FSTL4: variants seen among roughly 807,000 people sequenced by gnomAD.
FSTL4 encodes follistatin-related protein 4.
A neutral mutation model predicts 78.2 loss-of-function variants in FSTL4; 28 were observed. The observed-to-expected ratio is 0.36, with a 90% CI of 0.27 to 0.49. The LOEUF (loss-of-function observed/expected upper bound fraction) is 0.49. Among genes scored for constraint, FSTL4 ranks in the 20% least tolerant of loss-of-function variants. FSTL4 has a pLI of 0.98. For synonymous variants in FSTL4, 422 were observed against 440.5 expected, an observed-to-expected ratio of 0.96 and a Z score of 0.53; for missense variants, 922 against 1,084.9, an observed-to-expected ratio of 0.85 and a Z score of 2.11.
At chr5:133,817,734 A>G in the FSTL4 span, among the ~76,000 whole-genome samples, 1 of 152,208 alleles carries the variant, frequency 6.6e-6, no homozygotes, top group Non-Finnish European at 1.5e-5. Flanking sequence ...GGGAGCCCAG[A>G]AAATGCAGTC....
At chr5:133,765,793 G>A in the FSTL4 span, among the ~76,000 whole-genome samples, 1 of 152,186 alleles carries the variant, frequency 6.6e-6, no homozygotes, top group Admixed American at 6.5e-5. Flanking sequence ...CAAAGGAAAA[G>A]CAGAGATAAG....
rs543370246 is a variant in FSTL4, at chr5:133,203,243, T to C, written c.1717-1201A>G. On this transcript the variant is annotated intron_variant, in intron 14 of 15. Transcript: ENST00000265342. ...TGAGACACTTTTTCTAATCATGATATTGTGGCCACATGTGTAGAAAGGAGG... is the reference window on the plus strand; with the variant it reads ...TGAGACACTTTTTCTAATCATGATACTGTGGCCACATGTGTAGAAAGGAGG... Among the ~76,000 whole-genome samples the C allele has an allele frequency of 2.0e-5, 3 of 152,258 alleles. No homozygotes were observed. The East Asian group carries it at 5.8e-4, about 29-fold the overall frequency.
chr5:133,551,528 C>G (rs1370464701), intron 3 of FSTL4, among the ~76,000 whole-genome samples: 1 of 152,168 alleles, frequency 6.6e-6, no homozygotes, highest in Non-Finnish European at 1.5e-5. Flanking sequence ...CTCTAGAACA[C>G]TTCGGAGCCC....
At chr5:133,833,705 A>G in the FSTL4 span, among the ~76,000 whole-genome samples, 1 of 152,242 alleles carries the variant, frequency 6.6e-6, no homozygotes, top group South Asian at 2.1e-4. Context: ...TGAGACAGGA[A>G]GAGGCAGAAG....
At chr5:133,430,960 A>G (rs1756923800) in intron 3 of FSTL4, among the ~76,000 whole-genome samples, 1 of 152,206 alleles carries the variant, frequency 6.6e-6, no homozygotes, top group African/African-American at 2.4e-5. Context: ...GTTCTATTAA[A>G]CTTCCTGGTG....
intron 3 of FSTL4, among the ~76,000 whole-genome samples, chr5:133,453,639 C>A (rs1270707163): frequency 6.6e-6 from 1 of 152,212 alleles, no homozygotes; most frequent in Non-Finnish European, 1.5e-5. Flanking sequence ...AGGAACAAGC[C>A]ACCTTCTTAG....
intron 4 of FSTL4, among the ~76,000 whole-genome samples, chr5:133,329,047 T>G (rs1754280906): frequency 6.6e-6 from 1 of 152,186 alleles, no homozygotes; most frequent in Non-Finnish European, 1.5e-5. Flanking sequence ...CGGCCGGGTC[T>G]GAGGCTGTCG....
chr5:133,717,905 CAT>C, the FSTL4 span, among the ~76,000 whole-genome samples: 175 of 152,248 alleles, frequency 1.1e-3, 2 homozygotes, highest in African/African-American at 4.0e-3. Context: ...TTAGGGTAAA[CAT>C]GTGTTCATTT....
chr5:133,699,535 C>A, the FSTL4 span, among the ~76,000 whole-genome samples: 170 of 152,134 alleles, frequency 1.1e-3, 3 homozygotes, highest in Non-Finnish European at 4.1e-4. Context: ...TTAGGTACTT[C>A]CCCAGGGAGT....
Position 133,213,170 on chromosome 5 carries a change from T to TTTTTGTATTTTTAGTACA in FSTL4, c.1609-2890_1609-2873dup, listed in dbSNP as rs1222430757. On this transcript the variant is annotated intron_variant, in intron 13 of 15. Transcript: ENST00000265342. Reference sequence around the variant, plus strand: ...GGCCTGCACCACCACGCCCAGCTAATTTTTGTATTTTTAGTACAGACAGGG... The same window carrying TTTTTGTATTTTTAGTACA: ...GGCCTGCACCACCACGCCCAGCTAATTTTTGTATTTTTAGTACATTTTGTATTTTTAGTACAGACAGGG... Among the ~76,000 whole-genome samples, 4 of 152,174 alleles carry TTTTTGTATTTTTAGTACA rather than the reference T, an allele frequency of 2.6e-5. No individual in the cohort carries two copies. In the South Asian group the frequency reaches 6.2e-4, roughly 24 times the overall value.
At chr5:133,827,314 G>T in the FSTL4 span, among the ~76,000 whole-genome samples, 2 of 152,198 alleles carry the variant, frequency 1.3e-5, no homozygotes, top group African/African-American at 4.8e-5. Context: ...GTTCAACCAT[G>T]TTCAAGGACA....
At chr5:133,689,495 G>A in the FSTL4 span, among the ~76,000 whole-genome samples, 2 of 152,126 alleles carry the variant, frequency 1.3e-5, no homozygotes, top group African/African-American at 2.4e-5. Context: ...TACAGTAGTG[G>A]GTATATGTGT....
chr5:133,202,084 T>G lies in FSTL4; in HGVS notation c.1717-42A>C, dbSNP rs770337711. The G allele has an allele frequency of 2.2e-5, 30 of 1,373,760 alleles. 1 individual carries two copies. Among genetic ancestry groups the G allele is most frequent in the Admixed American group, 1.1e-4 (6 of 55,280 alleles). The allele number at this position is 1,373,760 out of a possible 1,614,324, so 85.1% of individuals were successfully genotyped here. ...GAATCCTAGTGAGGGCCCATGCAGG[T>G]GGGGGCTGAACCTGGAGACACCTGT... On this transcript the variant is annotated intron_variant, in intron 14 of 15. Coordinates refer to ENST00000265342, the MANE Select transcript of FSTL4 (RefSeq NM_015082.2).
chr5:133,494,018 T>C (rs1758322411), intron 3 of FSTL4, among the ~76,000 whole-genome samples: 1 of 152,218 alleles, frequency 6.6e-6, no homozygotes, highest in Non-Finnish European at 1.5e-5. Context: ...AGCTTCAGCA[T>C]GTGTAAAAAC....
At chr5:133,483,450 G>C (rs1758069310) in intron 3 of FSTL4, among the ~76,000 whole-genome samples, 1 of 152,150 alleles carries the variant, frequency 6.6e-6, no homozygotes, top group Non-Finnish European at 1.5e-5. Context: ...CCAATAAAAG[G>C]GCTAGGATAA....
chr5:133,773,552 T>C, the FSTL4 span, among the ~76,000 whole-genome samples: 1 of 152,186 alleles, frequency 6.6e-6, no homozygotes, highest in African/African-American at 2.4e-5. Flanking sequence ...TACCTAAGAC[T>C]ACAACAACGT....
the FSTL4 span, among the ~76,000 whole-genome samples, chr5:133,675,158 C>T: frequency 1.3e-5 from 2 of 151,882 alleles, no homozygotes. Flanking sequence ...TAAGTAGAGA[C>T]CTGAGTGATA....
intron 6 of FSTL4, among the ~76,000 whole-genome samples, chr5:133,258,572 GT>G (rs1239701735): frequency 6.6e-6 from 1 of 152,158 alleles, no homozygotes; most frequent in African/African-American, 2.4e-5. Flanking sequence ...TCTTCTGTTG[GT>G]TTTATTTTTC....
At chr5:133,289,341 A>C (rs890820) in intron 6 of FSTL4, among the ~76,000 whole-genome samples, 117,759 of 152,146 alleles carry the variant, frequency 0.77, 45,697 homozygotes, top group Middle Eastern at 0.8. Context: ...CTGTCCAAAT[A>C]TATCCCACCT....
Sources: allele counts gnomAD v4.1 joint callset (sites outside exome capture counted in the v4.1 genomes callset), GRCh38; gene constraint gnomAD v4.1.1; transcripts MANE v1.5; gene names NCBI Gene and HGNC (gene_info 2026-07-23, HGNC 2026-07-21).